The following PCDHGA1 variants were observed in gnomAD, a reference collection of about 807,000 sequenced individuals.
The protein encoded by PCDHGA1 is protocadherin gamma-A1.
Under a neutral mutation model 58.0 loss-of-function variants are expected in PCDHGA1, and 32 were observed. The ratio of observed to expected loss-of-function variants is 0.55; its 90% CI spans 0.42 to 0.74. The LOEUF is 0.74. Ranked by LOEUF, PCDHGA1 falls within the 30% of genes least tolerant of loss-of-function variation. PCDHGA1 has a pLI of 0.00. For missense variants in PCDHGA1, 1,205 were observed against 1,182.3 expected (o/e 1.02, Z -0.28); for synonymous variants, 498 against 501.1 (o/e 0.99, Z 0.08).
Position 141,333,094 on chromosome 5 carries a change from C to T in PCDHGA1, c.2410C>T (p.Pro804Ser), listed in dbSNP as rs754468911. 25 of 1,614,078 alleles carry T rather than the reference C, an allele frequency of 1.5e-5. No homozygotes were observed. Among genetic ancestry groups the T allele is most frequent in the Non-Finnish European group, 2.1e-5 (25 of 1,180,046 alleles). Residue 804 changes from proline (P) to serine (S), a missense_variant, in exon 1 of 4, where the codon CCA (proline) becomes TCA (serine). Transcript: ENST00000517417. ...GTCTTTACTTGAAGACAAAAAGGAACCATTTTCTCAGGTAAACTTTTGTGA... is the reference window on the plus strand; with the variant it reads ...GTCTTTACTTGAAGACAAAAAGGAATCATTTTCTCAGGTAAACTTTTGTGA... ...PQSLLEDKKE[P>S]FSQQAPPNTD... is the part of the protein sequence containing the mutation.
chr5:141,394,864 C>T, intron 1 of PCDHGA1: 4 of 1,613,780 alleles, frequency 2.5e-6, no homozygotes, highest in Non-Finnish European at 3.4e-6. Context: ...TCGGTCGACC[C>T]GAACGATTCG....
At chr5:141,495,175 C>T (rs1337353259) in intron 2 of PCDHGA1, among the ~76,000 whole-genome samples, 1 of 152,182 alleles carries the variant, frequency 6.6e-6, no homozygotes, top group Admixed American at 6.5e-5. Context: ...TGGGTGAAAG[C>T]GAGGCTTTCT....
At position 141,364,301 on chromosome 5, in the gene PCDHGA1, A is replaced by G. The variant is rs377380787; in HGVS notation, c.2421+31196A>G. ...TAAGGAAACAGCAGGCTGAACCAGAACTAAGAGAAAATTGGGCAGAGAGAA... is the reference window on the plus strand; with the variant it reads ...TAAGGAAACAGCAGGCTGAACCAGAGCTAAGAGAAAATTGGGCAGAGAGAA... On this transcript the variant is annotated intron_variant, in intron 1 of 3. Coordinates refer to ENST00000517417, the MANE Select transcript of PCDHGA1 (RefSeq NM_018912.3). 5 of 1,521,982 alleles carry G rather than the reference A, an allele frequency of 3.3e-6. No homozygotes were observed. In the African/African-American group the frequency reaches 5.6e-5, roughly 17 times the overall value. The allele number at this position is 1,521,982 out of a possible 1,614,324, so 94.3% of individuals were successfully genotyped here. A position where few individuals can be genotyped will look rare whatever the true frequency, so the allele number is the denominator to read the frequency against.
chr5:141,404,348 G>T lies in PCDHGA1; in HGVS notation c.2421+71243G>T, dbSNP rs370966293. 60 of 1,613,640 alleles carry T rather than the reference G, an allele frequency of 3.7e-5. No individual in the cohort carries two copies. The highest frequency in any genetic ancestry group is 4.9e-5 in the Non-Finnish European group (58 of 1,179,784). ...CTCAGTCTACCTCCCGGAAAACAAC[G>T]CCAGAGGTACTTCCATCTTCTCCGT... On this transcript the variant is annotated intron_variant, in intron 1 of 3. Coordinates refer to ENST00000517417, the MANE Select transcript of PCDHGA1 (RefSeq NM_018912.3).
At chr5:141,408,619 T>C in intron 1 of PCDHGA1, 1 of 1,613,974 alleles carries the variant, frequency 6.2e-7, no homozygotes, top group South Asian at 1.1e-5. Context: ...AGGAAATACA[T>C]TTAGAAATTT....
chr5:141,338,440 T>G (rs1377006175), intron 1 of PCDHGA1, among the ~76,000 whole-genome samples: 2 of 152,194 alleles, frequency 1.3e-5, no homozygotes, highest in African/African-American at 2.4e-5. Flanking sequence ...GATTATACAA[T>G]AAGAGATGGA....
chr5:141,358,149 C>T (rs1216761521), intron 1 of PCDHGA1, among the ~76,000 whole-genome samples: 1 of 152,210 alleles, frequency 6.6e-6, no homozygotes, highest in Non-Finnish European at 1.5e-5. Context: ...GAGATCATGA[C>T]ACTGTACTCC....
At chr5:141,365,049 C>T in intron 1 of PCDHGA1, 1 of 1,613,898 alleles carries the variant, frequency 6.2e-7, no homozygotes, top group Non-Finnish European at 8.5e-7. Flanking sequence ...GACAATGCGC[C>T]CCTGTTCACC....
intron 1 of PCDHGA1, among the ~76,000 whole-genome samples, chr5:141,381,826 CTTTTTTTTT>C (rs770630741): frequency 5.4e-5 from 4 of 74,286 alleles, no homozygotes; most frequent in African/African-American, 2.5e-4. Flanking sequence ...CTTTCTTCTT[CTTTTTTTTT>C]TTTTTTTTTT....
intron 1 of PCDHGA1, among the ~76,000 whole-genome samples, chr5:141,401,410 A>C (rs536817103): frequency 6.6e-6 from 1 of 152,236 alleles, no homozygotes; most frequent in South Asian, 2.1e-4. Flanking sequence ...TGAGAGAGAA[A>C]GAGAGAGACT....
chr5:141,494,680 C>G (rs552351026), intron 1 of PCDHGA1, 127 bp from the exon 2 acceptor site: 2 of 1,560,096 alleles, frequency 1.3e-6, no homozygotes, highest in East Asian at 4.6e-5. Context: ...CCACCCCTGC[C>G]CCCTCTTAGT....
chr5:141,384,792 C>T lies in PCDHGA1; in HGVS notation c.2421+51687C>T, dbSNP rs374905153. ...CGGGCGAGGTGCGCACGGCTCGGGC[C>T]CTGCTGGACAGAGATGCCCTCAAGC... On this transcript the variant is annotated intron_variant, in intron 1 of 3. Transcript: ENST00000517417. The T allele has an allele frequency of 5.0e-6, 8 of 1,613,404 alleles. No homozygotes were observed. The African/African-American group carries it at 6.7e-5, about 13-fold the overall frequency.
intron 1 of PCDHGA1, chr5:141,403,288 CAG>C: frequency 6.2e-7 from 1 of 1,613,878 alleles, no homozygotes; most frequent in Admixed American, 1.7e-5. Context: ...TGGTTGAAGA[CAG>C]AGTGAAACTG....
At chr5:141,352,821 C>T (rs1759119278) in intron 1 of PCDHGA1, 9 of 796,944 alleles carry the variant, frequency 1.1e-5, no homozygotes, top group Non-Finnish European at 1.6e-5. Context: ...AAAACCCGGT[C>T]TACTAAAATT....
At chr5:141,433,220 T>C (rs781745522) in intron 1 of PCDHGA1, 1 of 1,509,734 alleles carries the variant, frequency 6.6e-7, no homozygotes, top group South Asian at 1.2e-5. Flanking sequence ...TTTTTTTTTT[T>C]AATTGCTCTG....
intron 1 of PCDHGA1, chr5:141,344,535 C>A (rs768252153): frequency 6.2e-7 from 1 of 1,613,906 alleles, no homozygotes. Flanking sequence ...TAACTCCCTG[C>A]AGAACTACAA....
At position 141,355,234 on chromosome 5, in the gene PCDHGA1, C is replaced by G. The variant is rs764381792; in HGVS notation, c.2421+22129C>G. 1 of 1,612,190 alleles carries G rather than the reference C, an allele frequency of 6.2e-7. No homozygotes were observed. The highest frequency in any genetic ancestry group is 8.5e-7 in the Non-Finnish European group (1 of 1,179,258). ...GCCTCCTGCTCGCCCAGACCACACC[C>G]GGCTGCTCCAGATCTGCCTTCTCCT... On this transcript the variant is annotated intron_variant, in intron 1 of 3. Coordinates refer to ENST00000517417, the MANE Select transcript of PCDHGA1 (RefSeq NM_018912.3).
At chr5:141,404,289 A>T in intron 1 of PCDHGA1, 1 of 1,614,006 alleles carries the variant, frequency 6.2e-7, no homozygotes. Context: ...ACTGACATCA[A>T]TGATAATCCA....
At chr5:141,462,539 T>G (rs2099042077) in intron 1 of PCDHGA1, among the ~76,000 whole-genome samples, 1 of 152,184 alleles carries the variant, frequency 6.6e-6, no homozygotes, top group African/African-American at 2.4e-5. Flanking sequence ...TTCAGTGATC[T>G]TTTCTTCTTC....
Sources: gnomAD v4.1 joint callset for allele counts (sites outside exome capture counted in the v4.1 genomes callset) on GRCh38, gnomAD v4.1.1 for gene constraint, MANE v1.5 for transcripts, NCBI Gene and HGNC (gene_info 2026-07-23, HGNC 2026-07-21) for gene names.